Variants in LRAT observed in about 807,000 individuals in gnomAD.
The protein encoded by LRAT is lecithin retinol acyltransferase (phosphatidylcholine--retinol O-acyltransferase).
LRAT carries 11 observed loss-of-function variants against 14.2 expected under a neutral mutation model. The observed-to-expected ratio is 0.78, with a 90% CI of 0.49 to 1.29. The LOEUF is 1.29. Among genes scored for constraint, LRAT ranks in the 50% most tolerant of loss-of-function variants. The probability of loss-of-function intolerance (pLI) is 0.00; values close to 1 mark genes in which losing one functional copy is unlikely to be tolerated. For missense variants in LRAT, 274 were observed against 292.4 expected, an observed-to-expected ratio of 0.94 and a Z score of 0.46; for synonymous variants, 144 against 124.8, an observed-to-expected ratio of 1.15 and a Z score of -1.03.
chr4:154,749,110 C>T lies in LRAT; in HGVS notation c.667C>T (p.Pro223Ser). 1 of 1,613,756 alleles carries T rather than the reference C, an allele frequency of 6.2e-7. No homozygotes were observed. The highest frequency in any genetic ancestry group is 1.3e-5 in the African/African-American group (1 of 75,020). Residue 223 changes from proline to serine, a missense_variant, in exon 3 of 3, where the codon CCA (proline) becomes TCA (serine). Coordinates refer to ENST00000336356, the MANE Select transcript of LRAT (RefSeq NM_004744.5). Reference protein sequence around the residue: ...SYTTLPAIFIPFFLWMAG With the variant: ...SYTTLPAIFISFFLWMAG ...CACTACCCTTCCTGCAATTTTTATT[C>T]CATTCTTCCTATGGATGGCTGGCTA...
In LRAT at chr4:154,752,532, G is replaced by A. The variant is rs976306451; in HGVS notation, c.*3396G>A. ...GGGTTCAGAAAGATAAATCCCAAAA[G>A]TATGGAGAACAAAGGAACTCATTTT... On this transcript the variant is annotated 3_prime_UTR_variant, in exon 3 of 3. Coordinates refer to ENST00000336356, the MANE Select transcript of LRAT (RefSeq NM_004744.5). 6.6e-6 allele frequency: 1 copy of A among 152,108 alleles called. No individual in the cohort carries two copies. The highest frequency in any genetic ancestry group is 2.4e-5 in the African/African-American group (1 of 41,422). 9.4% of individuals were successfully genotyped at this position (152,108 alleles called of 1,614,324 possible). A position where few individuals can be genotyped will look rare whatever the true frequency, so the allele number is the denominator to read the frequency against.
At chr4:154,743,303 CCAGCCTGGCCAACAT>C (rs1435207103), upstream of LRAT, among the ~76,000 whole-genome samples, 5 of 151,808 alleles carry the variant, frequency 3.3e-5, no homozygotes, top group African/African-American at 9.7e-5. Flanking sequence ...CTGGCCAACA[CCAGCCTGGCCAACAT>C]GGTGAGACCC....
At chr4:154,745,007 T>C (rs4696216) in intron 2 of LRAT, 141 bp downstream of exon 2, 2 of 21,818 alleles carry the variant, frequency 9.2e-5, no homozygotes, top group Admixed American at 7.5e-4. Flanking sequence ...TTCTTTTTCC[T>C]TTTTTTTTTT....
rs1732827555 is a variant in LRAT at position 154,744,241 on chromosome 4, C to A, written c.-2+19C>A. On this transcript the variant is annotated intron_variant, in intron 1 of 2. Transcript: ENST00000336356. ...CCTGCAGGTGAGCAGCAGCGCAGCA[C>A]CCCTGCCCGGCGAGCTTAACTTGCC... The A allele has an allele frequency of 2.1e-6, 3 of 1,406,042 alleles. No individual in the cohort carries two copies. The highest frequency in any genetic ancestry group is 3.0e-6 in the Non-Finnish European group (3 of 1,000,634). 87.1% of individuals were successfully genotyped at this position (1,406,042 alleles called of 1,614,324 possible). A position where few individuals can be genotyped will look rare whatever the true frequency, so the allele number is the denominator to read the frequency against.
rs70947181 is a variant in LRAT, at chr4:154,745,006, CTTTTTTTTTTTTTTT to C, written c.540+156_540+170del. 2.2e-4 allele frequency: 54 copies of C among 246,160 alleles called. No individual in the cohort carries two copies. The African/African-American group carries it at 2.2e-3, about 10-fold the overall frequency. The allele number at this position is 246,160 out of a possible 1,614,324, so 15.2% of individuals were successfully genotyped here. The stretch of plus-strand genomic sequence containing the variant: ...TTCCATACCATCCTTTTTCTTTTTC[CTTTTTTTTTTTTTTT>C]TTTTTTTTTTTTTTTGAGACGGAGT... On this transcript the variant is annotated intron_variant, in intron 2 of 2. Coordinates refer to ENST00000336356, the MANE Select transcript of LRAT (RefSeq NM_004744.5).
rs550189377 is a variant in LRAT at position 154,752,311 on chromosome 4, A to G, written c.*3175A>G. 5 of 152,376 alleles carry G rather than the reference A, an allele frequency of 3.3e-5. No individual in the cohort carries two copies. The East Asian group carries it at 9.7e-4, about 29-fold the overall frequency. The allele number at this position is 152,376 out of a possible 1,614,324, so 9.4% of individuals were successfully genotyped here. ...AAATTGCCTACAACATGCCTGGCACATAGCTGTGAGGTACCCTATGAGTTG... is the reference window on the plus strand; with the variant it reads ...AAATTGCCTACAACATGCCTGGCACGTAGCTGTGAGGTACCCTATGAGTTG... On this transcript the variant is annotated 3_prime_UTR_variant, in exon 3 of 3. Transcript: ENST00000336356.
At chr4:154,742,858 C>CATAAAA (rs532020437), upstream of LRAT, among the ~76,000 whole-genome samples, 1,099 of 152,098 alleles carry the variant, frequency 7.2e-3, 5 homozygotes, top group Admixed American at 0.013. Context: ...TGCTTAAAAA[C>CATAAAA]ATAAAAATAA....
chr4:154,748,880 C>A, intron 2 of LRAT, 104 bp from the exon 3 acceptor site: 1 of 1,105,466 alleles, frequency 9.0e-7, no homozygotes, highest in Non-Finnish European at 1.4e-6. Context: ...TCTAGTTCTT[C>A]TGGTAGACAG....
At chr4:154,746,397 G>A (rs942442071) in intron 2 of LRAT, among the ~76,000 whole-genome samples, 4 of 151,994 alleles carry the variant, frequency 2.6e-5, no homozygotes, top group Non-Finnish European at 4.4e-5. Flanking sequence ...TTTATAGATC[G>A]GTGTATGAAA....
chr4:154,748,350 GA>G, intron 2 of LRAT: 1 of 984,878 alleles, frequency 1.0e-6, no homozygotes, highest in Non-Finnish European at 1.2e-6. Context: ...TTTTTCTAAG[GA>G]AAACATTACA....
At chr4:154,743,973 A>G (rs1358542124), upstream of LRAT, 1 of 231,076 alleles carries the variant, frequency 4.3e-6, no homozygotes, top group Non-Finnish European at 8.6e-6. Flanking sequence ...GACGGCCATA[A>G]AAAGTCGCAG....
rs145355018 is a variant in LRAT at position 154,744,843 on chromosome 4, C to T, written c.517C>T (p.Pro173Ser). Residue 173 changes from proline (P) to serine (S), a missense_variant, in exon 2 of 3, where the codon CCG becomes TCG. Physicochemically the swap from Pro to Ser is moderately conservative, Grantham distance 74. Coordinates refer to ENST00000336356, the MANE Select transcript of LRAT (RefSeq NM_004744.5). The part of the protein sequence containing the change: ...HFVTYCRYGT[P>S]ISPQSDKFCE... ...CGTGACCTACTGCAGATATGGCACC[C>T]CGATCAGTCCCCAGTCCGACAAGGT... 1.3e-5 allele frequency: 21 copies of T among 1,613,480 alleles called. No individual in the cohort carries two copies. The highest frequency in any genetic ancestry group is 2.7e-5 in the African/African-American group (2 of 74,874).
intron 2 of LRAT, 71 bp from the exon 3 acceptor site, chr4:154,748,913 T>C: frequency 7.1e-7 from 1 of 1,411,190 alleles, no homozygotes; most frequent in South Asian, 1.2e-5. Context: ...AAAACTGATT[T>C]ACTGTTTGAT....
chr4:154,744,977 C>A, intron 2 of LRAT, 111 bp downstream of exon 2: 2 of 875,038 alleles, frequency 2.3e-6, no homozygotes, highest in Non-Finnish European at 3.8e-6. Flanking sequence ...ACCTCCCCTA[C>A]CACTTCCATA....
At position 154,751,133 on chromosome 4, in the gene LRAT, G is replaced by A. The variant is rs1732981579; in HGVS notation, c.*1997G>A. 1 of 152,314 alleles carries A rather than the reference G, an allele frequency of 6.6e-6. No individual in the cohort carries two copies. The highest frequency in any genetic ancestry group is 2.4e-5 in the African/African-American group (1 of 41,566). The allele number at this position is 152,314 out of a possible 1,614,324, so 9.4% of individuals were successfully genotyped here. On this transcript the variant is annotated 3_prime_UTR_variant, in exon 3 of 3. Coordinates refer to ENST00000336356, the MANE Select transcript of LRAT (RefSeq NM_004744.5). ...TTATTCGTAAACTAGCTATAATAGA[G>A]TATATACAGTGCTGTGGGAATACAG...
In LRAT at chr4:154,752,811, T is replaced by C. The variant is rs1320187309; in HGVS notation, c.*3675T>C. ...CTCCTAATTTTAGCTCTGTTAGATATGTTTCTTTCTAAGGACAAGCAACTA... is the reference window on the plus strand; with the variant it reads ...CTCCTAATTTTAGCTCTGTTAGATACGTTTCTTTCTAAGGACAAGCAACTA... On this transcript the variant is annotated 3_prime_UTR_variant, in exon 3 of 3. Coordinates refer to ENST00000336356, the MANE Select transcript of LRAT (RefSeq NM_004744.5). 6.6e-6 allele frequency: 1 copy of C among 152,256 alleles called. No homozygotes were observed. 9.4% of individuals were successfully genotyped at this position (152,256 alleles called of 1,614,324 possible).
chr4:154,744,653 C>A lies in LRAT; in HGVS notation c.327C>A (p.Arg109=). 6.2e-7 allele frequency: 1 copy of A among 1,614,176 alleles called. No homozygotes were observed. Among genetic ancestry groups the A allele is most frequent in the Non-Finnish European group, 8.5e-7 (1 of 1,180,024 alleles). Residue 109 remains arginine (R), a synonymous_variant, in exon 2 of 3, where the codon CGC becomes CGA. Transcript: ENST00000336356. ...TTATTGTCAAAGTGGCCAGCATCCG[C>A]GTGGACACAGTGGAGGACTTCGCCT... ...LGVIVKVASI[R]VDTVEDFAYG... is the part of the protein sequence containing the mutation.
At chr4:154,743,879 C>A (rs950508883), upstream of LRAT, 2 of 147,258 alleles carry the variant, frequency 1.4e-5, no homozygotes, top group African/African-American at 2.5e-5. Flanking sequence ...GATCCCGCGT[C>A]CTCCCCGCCG....
At chr4:154,743,189 A>G (rs926388729), upstream of LRAT, among the ~76,000 whole-genome samples, 7 of 140,378 alleles carry the variant, frequency 5.0e-5, no homozygotes, top group African/African-American at 1.6e-4. Flanking sequence ...GATTCAGGGC[A>G]TTTGAAAAAA....
Sources: gnomAD v4.1 joint callset for allele counts (sites outside exome capture counted in the v4.1 genomes callset) on GRCh38, gnomAD v4.1.1 for gene constraint, MANE v1.5 for transcripts, NCBI Gene and HGNC (gene_info 2026-07-23, HGNC 2026-07-21) for gene names.